Variants in HERC2 observed in about 807,000 individuals in gnomAD.
HERC2 encodes the protein E3 ubiquitin-protein ligase HERC2.
Under a neutral mutation model 537.7 loss-of-function variants are expected in HERC2, and 102 were observed. The ratio of observed to expected loss-of-function variants is 0.19; its 90% CI spans 0.16 to 0.22. The LOEUF (loss-of-function observed/expected upper bound fraction) is 0.22, where lower values mean the gene tolerates loss of function less well. Ranked by LOEUF, HERC2 falls within the 10% of genes least tolerant of loss-of-function variation. The pLI is 1.00. For synonymous variants in HERC2, 2,224 were observed against 2,466.2 expected (o/e 0.90, Z 2.91); for missense variants, 4,236 against 6,198.2 (o/e 0.68, Z 10.63).
At chr15:28,219,332 G>A (rs1374277117) in intron 37 of HERC2, among the ~76,000 whole-genome samples, 1 of 152,242 alleles carries the variant, frequency 6.6e-6, no homozygotes, top group African/African-American at 2.4e-5. Flanking sequence ...GGCCACCCCT[G>A]CCCAGGCTCT....
At chr15:28,313,012 G>A (rs2076987229) in intron 2 of HERC2, among the ~76,000 whole-genome samples, 1 of 152,052 alleles carries the variant, frequency 6.6e-6, no homozygotes, top group Non-Finnish European at 1.5e-5. Flanking sequence ...ACACAACACT[G>A]AGGCTGTGAG....
chr15:28,156,944 GT>G (rs1423444781), intron 69 of HERC2, among the ~76,000 whole-genome samples: 1 of 152,160 alleles, frequency 6.6e-6, no homozygotes, highest in Non-Finnish European at 1.5e-5. Context: ...AATTTGTTGA[GT>G]TTTTAGCATG....
intron 78 of HERC2, among the ~76,000 whole-genome samples, chr15:28,140,719 C>T (rs1891133783): frequency 6.6e-6 from 1 of 151,494 alleles, no homozygotes; most frequent in Non-Finnish European, 1.5e-5. Flanking sequence ...ACAGGGTTTT[C>T]CTATGTTGGC....
rs770945817 is a variant in HERC2, at chr15:28,163,098, G to C, written c.10742C>G (p.Pro3581Arg). The C allele has an allele frequency of 9.9e-6, 16 of 1,608,726 alleles. No individual in the cohort carries two copies. The East Asian group carries it at 3.6e-4, about 36-fold the overall frequency. The change falls in exon 69 of 93, where the codon CCA (proline) becomes CGA (arginine). Residue 3581 changes from proline (P) to arginine (R), a missense_variant. By Grantham distance (103) the Pro-to-Arg change is moderately radical. Coordinates refer to ENST00000261609, the MANE Select transcript of HERC2 (RefSeq NM_004667.6). ...CCCGCCCTCCCTGAGACTCACCTGT[G>C]GGTAGGCGGTCCCCATGCCGGAAAG... is the stretch of plus-strand genomic sequence containing the variant. The part of the protein sequence containing the change: ...AVLSGMGTAY[P>R]QVADMLLELC...
chr15:28,315,917 G>A (rs113104459), intron 2 of HERC2: 178 of 430,616 alleles, frequency 4.1e-4, no homozygotes, highest in African/African-American at 3.1e-3. Flanking sequence ...TCTGATCGCC[G>A]ATCACCTCTG....
chr15:28,241,112 C>A (rs1031910568), intron 23 of HERC2, among the ~76,000 whole-genome samples: 1 of 152,018 alleles, frequency 6.6e-6, no homozygotes, highest in Non-Finnish European at 1.5e-5. Context: ...GAAACAGCAA[C>A]CGAAAGAATG....
chr15:28,237,685 C>A (rs1441743857), intron 25 of HERC2, among the ~76,000 whole-genome samples: 1 of 152,154 alleles, frequency 6.6e-6, no homozygotes, highest in African/African-American at 2.4e-5. Flanking sequence ...TATTACTTGT[C>A]GATACCTGGA....
rs745731459 is a variant in HERC2 at position 28,174,491 on chromosome 15, T to G, written c.9961A>C (p.Ser3321Arg). The G allele has an allele frequency of 2.5e-6, 4 of 1,614,006 alleles. No homozygotes were observed. The East Asian group carries it at 8.9e-5, about 36-fold the overall frequency. The change falls in exon 65 of 93, where the codon AGT (serine) becomes CGT (arginine). Residue 3321 changes from serine to arginine, a missense_variant. Ser to Arg is a moderately radical substitution (Grantham distance 110, BLOSUM62 -1). This residue lies in a region of HERC2 where 93 missense variants were observed against 265.1 expected (regional missense o/e 0.35). Coordinates refer to ENST00000261609, the MANE Select transcript of HERC2 (RefSeq NM_004667.6). ...ACATCCACAGTTGTCCACGCCACAC[T>G]GTGGGACGACCCACAAGCCACGCGT... is the stretch of plus-strand genomic sequence containing the variant. ...ITRVACGSSH[S>R]VAWTTVDVAT...
At chr15:28,316,596 C>G (rs1302058499) in intron 2 of HERC2, among the ~76,000 whole-genome samples, 1 of 152,124 alleles carries the variant, frequency 6.6e-6, no homozygotes, top group Non-Finnish European at 1.5e-5. Context: ...ATTGAGGCAC[C>G]AGTATTTGGA....
At chr15:28,119,656 G>A (rs1220001873) in intron 86 of HERC2, among the ~76,000 whole-genome samples, 5 of 151,682 alleles carry the variant, frequency 3.3e-5, no homozygotes, top group African/African-American at 9.7e-5. Context: ...GTTTTATCAC[G>A]TTGCCCAGGA....
intron 50 of HERC2, 73 bp from the exon 51 acceptor site, chr15:28,196,642 A>C: frequency 1.3e-6 from 1 of 781,736 alleles, no homozygotes; most frequent in East Asian, 2.4e-5. Flanking sequence ...AACTGCACCT[A>C]GCCATGTCAT....
chr15:28,139,531 C>T (rs1478710904), intron 78 of HERC2, among the ~76,000 whole-genome samples: 2 of 152,150 alleles, frequency 1.3e-5, no homozygotes, highest in East Asian at 1.9e-4. Context: ...AGCTGGAGGA[C>T]GGAGCTATGC....
intron 2 of HERC2, among the ~76,000 whole-genome samples, chr15:28,309,771 TGA>T (rs1491510309): frequency 1.3e-5 from 2 of 152,034 alleles, no homozygotes; most frequent in African/African-American, 4.8e-5. Context: ...ACAGAAACTG[TGA>T]GAGTGTAAAT....
rs1888871200 is a variant in HERC2, at chr15:28,121,423, C to T, written c.13195G>A (p.Ala4399Thr). The change falls in exon 86 of 93, where the codon GCT becomes ACT. Residue 4399 changes from alanine (A) to threonine (T), a missense_variant. Ala to Thr is a moderately conservative substitution (Grantham distance 58). Coordinates refer to ENST00000261609, the MANE Select transcript of HERC2 (RefSeq NM_004667.6). ...GILISQGKEA[A>T]FRKVVQATMV... ...GTTGCTTGTACTACTTTCCGGAAAGCCGCCTCCTAAAACACATCAAACAGA... is the reference window on the plus strand; with the variant it reads ...GTTGCTTGTACTACTTTCCGGAAAGTCGCCTCCTAAAACACATCAAACAGA... 5.0e-6 allele frequency: 8 copies of T among 1,613,960 alleles called. No individual in the cohort carries two copies. Among genetic ancestry groups the T allele is most frequent in the Non-Finnish European group, 5.9e-6 (7 of 1,179,840 alleles).
At position 28,146,196 on chromosome 15, in the gene HERC2, CA is replaced by C. The variant is rs769734735; in HGVS notation, c.11008+40del. On this transcript the variant is annotated intron_variant, in intron 71 of 92. Coordinates refer to ENST00000261609, the MANE Select transcript of HERC2 (RefSeq NM_004667.6). ...GTGAAGGGTTGTGTCTACGGAGACA[CA>C]GGTGGGTAGATCATGCCCTGCTCAA... The C allele has an allele frequency of 9.7e-6, 13 of 1,340,528 alleles. No homozygotes were observed. In the Admixed American group the frequency reaches 2.2e-4, roughly 23 times the overall value. 83.0% of individuals were successfully genotyped at this position (1,340,528 alleles called of 1,614,324 possible).
Position 28,113,674 on chromosome 15 carries a change from G to T in HERC2, c.13918C>A (p.His4640Asn). The T allele has an allele frequency of 6.2e-7, 1 of 1,613,724 alleles. No homozygotes were observed. The highest frequency in any genetic ancestry group is 8.5e-7 in the Non-Finnish European group (1 of 1,179,642). Residue 4640 changes from histidine (H) to asparagine (N), a missense_variant, in exon 91 of 93, where the codon CAT (histidine) becomes AAT (asparagine). Around this residue, in one of 27 missense-constraint regions of HERC2, gnomAD observed 313 missense variants for 462.6 expected, o/e 0.68. Coordinates refer to ENST00000261609, the MANE Select transcript of HERC2 (RefSeq NM_004667.6). The surrounding 1 kb of genome is among the most constrained non-coding windows in gnomAD (Gnocchi z 7.0). The stretch of plus-strand genomic sequence containing the variant: ...GCAGCCACCTGCTCATCAAATTCAT[G>T]GAGTCTGGAAGAAAAAGCTCACTTT... ...YVRLAINYRL[H>N]EFDEQVAAVR...
Position 28,246,084 on chromosome 15 carries a change from TAAG to T in HERC2, c.3392-21_3392-19del, listed in dbSNP as rs759721067. ...GAGAACACCTACATTTAAGAAATAA[TAAG>T]ATTTAAATAAGTATTTATCCTATAA... On this transcript the variant is annotated intron_variant, in intron 22 of 92. Transcript: ENST00000261609. 1 of 1,508,190 alleles carries T rather than the reference TAAG, an allele frequency of 6.6e-7. No individual in the cohort carries two copies. Among genetic ancestry groups the T allele is most frequent in the South Asian group, 1.2e-5 (1 of 84,262 alleles). The allele number at this position is 1,508,190 out of a possible 1,614,324, so 93.4% of individuals were successfully genotyped here. A position where few individuals can be genotyped will look rare whatever the true frequency, so the allele number is the denominator to read the frequency against.
At chr15:28,227,094 G>A (rs1007432773) in intron 35 of HERC2, among the ~76,000 whole-genome samples, 11 of 152,122 alleles carry the variant, frequency 7.2e-5, no homozygotes, top group Admixed American at 7.2e-4. Context: ...GGCCAACATG[G>A]CTAAACCCCA....
chr15:28,145,004 C>A (rs1160147821), intron 71 of HERC2, among the ~76,000 whole-genome samples, 200 bp from the exon 72 acceptor site: 1 of 152,218 alleles, frequency 6.6e-6, no homozygotes, highest in Non-Finnish European at 1.5e-5. Context: ...TCAGCAAACA[C>A]GCATTCAGCC....
Sources: gnomAD v4.1 joint callset for allele counts (sites outside exome capture counted in the v4.1 genomes callset) on GRCh38, gnomAD v4.1.1 for gene constraint, gnomAD v4.1.1 regional missense constraint, Gnocchi (gnomAD v3.1) non-coding constraint, MANE v1.5 for transcripts, NCBI Gene and HGNC (gene_info 2026-07-23, HGNC 2026-07-21) for gene names.